FIRRM: variants seen among roughly 807,000 people sequenced by gnomAD.
FIRRM encodes the protein FIGNL1-interacting regulator of recombination and mitosis.
the FIRRM span, among the ~76,000 whole-genome samples, chr1:169,819,992 C>T: frequency 2.6e-5 from 4 of 152,164 alleles, no homozygotes; most frequent in Admixed American, 6.5e-5. Context: ...CAATTTTGAG[C>T]TTGCAAAGGC....
At chr1:169,823,684 T>C in the FIRRM span, among the ~76,000 whole-genome samples, 1 of 151,404 alleles carries the variant, frequency 6.6e-6, no homozygotes, top group Non-Finnish European at 1.5e-5. Flanking sequence ...TAGTACCTTA[T>C]ACAGGAGTAA....
At chr1:169,790,997 G>A in the FIRRM span, among the ~76,000 whole-genome samples, 1 of 152,216 alleles carries the variant, frequency 6.6e-6, no homozygotes, top group Non-Finnish European at 1.5e-5. Flanking sequence ...CACAAGGAGT[G>A]CGCAAGCTAG....
At chr1:169,837,596 T>C in the FIRRM span, among the ~76,000 whole-genome samples, 3 of 152,250 alleles carry the variant, frequency 2.0e-5, no homozygotes, top group Admixed American at 1.3e-4. Flanking sequence ...ATAGTACATG[T>C]AGTTGAAATT....
At chr1:169,817,368 G>C in the FIRRM span, among the ~76,000 whole-genome samples, 1 of 152,166 alleles carries the variant, frequency 6.6e-6, no homozygotes, top group African/African-American at 2.4e-5. Flanking sequence ...ATGACAAAAA[G>C]CCTTAGGGCA....
chr1:169,802,676 TGTC>T, the FIRRM span: 1 of 1,613,368 alleles, frequency 6.2e-7, no homozygotes, highest in Admixed American at 1.7e-5. Flanking sequence ...GCCAGAGGAC[TGTC>T]AAGCCAAAAT....
chr1:169,832,385 G>T, the FIRRM span: 3 of 1,467,666 alleles, frequency 2.0e-6, no homozygotes, highest in Non-Finnish European at 1.9e-6. Flanking sequence ...AAATTAGTCA[G>T]TCTCTCCTCT....
the FIRRM span, chr1:169,792,684 G>A: frequency 3.1e-6 from 5 of 1,611,552 alleles, no homozygotes; most frequent in Non-Finnish European, 4.2e-6. Context: ...ACAAACTTCT[G>A]AAAGAGATGA....
chr1:169,784,005 T>G, the FIRRM span: 1 of 152,522 alleles, frequency 6.6e-6, no homozygotes, highest in Non-Finnish European at 1.5e-5. Flanking sequence ...AAGCTGGTCT[T>G]GAACTCCTTG....
At chr1:169,836,962 A>T in the FIRRM span, 6 of 1,610,228 alleles carry the variant, frequency 3.7e-6, no homozygotes, top group Admixed American at 1.0e-4. Flanking sequence ...CAAAAGAAGC[A>T]GAAAATCTGC....
At chr1:169,803,861 T>C in the FIRRM span, among the ~76,000 whole-genome samples, 1 of 152,232 alleles carries the variant, frequency 6.6e-6, no homozygotes, top group Non-Finnish European at 1.5e-5. Context: ...GTTACCCTTT[T>C]TTAGTTCTGT....
chr1:169,823,266 A>C, the FIRRM span: 1 of 494,808 alleles, frequency 2.0e-6, no homozygotes, highest in Non-Finnish European at 3.6e-6. Flanking sequence ...AAAAAAAAGA[A>C]AAGAAAAGAA....
the FIRRM span, among the ~76,000 whole-genome samples, chr1:169,846,315 A>T: frequency 6.6e-6 from 1 of 152,152 alleles, no homozygotes; most frequent in Non-Finnish European, 1.5e-5. Context: ...TAAGGGCCTT[A>T]GGATTTTTTT....
At chr1:169,807,688 G>T in the FIRRM span, 2 of 1,057,542 alleles carry the variant, frequency 1.9e-6, no homozygotes, top group Non-Finnish European at 2.6e-6. Context: ...GATGCTTTTT[G>T]ATTGTTTTTT....
the FIRRM span, chr1:169,852,088 G>T: frequency 9.4e-7 from 1 of 1,062,232 alleles, no homozygotes. Context: ...TATGGTAGTT[G>T]CTTTTAAAAT....
chr1:169,818,480 A>G, the FIRRM span, among the ~76,000 whole-genome samples: 2,256 of 152,306 alleles, frequency 0.015, 55 homozygotes, highest in African/African-American at 0.051. Context: ...TAATTTTACC[A>G]ATAATCTTTA....
the FIRRM span, among the ~76,000 whole-genome samples, chr1:169,790,238 C>T: frequency 2.0e-5 from 3 of 151,878 alleles, no homozygotes; most frequent in African/African-American, 4.8e-5. Flanking sequence ...AGGGCAATGG[C>T]GCGATCTCGG....
the FIRRM span, chr1:169,851,016 G>T: frequency 1.2e-4 from 2 of 17,032 alleles, no homozygotes; most frequent in African/African-American, 2.3e-4. Flanking sequence ...TATTTGGGCA[G>T]CCTCCCAAGC....
the FIRRM span, chr1:169,847,690 GC>G: frequency 6.2e-7 from 1 of 1,605,680 alleles, no homozygotes; most frequent in African/African-American, 1.3e-5. Context: ...ACCTCTGTAG[GC>G]AGTAACTTTG....
chr1:169,852,360 AG>A, the FIRRM span: 2 of 272,038 alleles, frequency 7.4e-6, no homozygotes, highest in Non-Finnish European at 1.4e-5. Flanking sequence ...GACACCAATA[AG>A]GATATTCAAA....
Sources: allele counts gnomAD v4.1 joint callset (sites outside exome capture counted in the v4.1 genomes callset), GRCh38; gene constraint gnomAD v4.1.1; transcripts MANE v1.5; gene names NCBI Gene and HGNC (gene_info 2026-07-23, HGNC 2026-07-21).